ADAMTS12: variants seen among roughly 807,000 people sequenced by gnomAD.
ADAMTS12 encodes the protein ADAM metallopeptidase with thrombospondin type 1 motif 12, also known as A disintegrin and metalloproteinase with thrombospondin motifs 12.
A neutral mutation model predicts 167.8 loss-of-function variants in ADAMTS12; 118 were observed. The ratio of observed to expected loss-of-function variants is 0.70; its 90% CI spans 0.61 to 0.82. ADAMTS12 has a LOEUF of 0.82. Among genes scored for constraint, ADAMTS12 ranks in the 40% least tolerant of loss-of-function variants. The probability of loss-of-function intolerance (pLI) is 0.00; values close to 1 mark genes in which losing one functional copy is unlikely to be tolerated. For missense variants in ADAMTS12, 1,916 were observed against 1,998.8 expected, an observed-to-expected ratio of 0.96 and a Z score of 0.79; for synonymous variants, 704 against 716.9, an observed-to-expected ratio of 0.98 and a Z score of 0.29.
intron 18 of ADAMTS12, among the ~76,000 whole-genome samples, chr5:33,586,372 G>T (rs182881431): frequency 1.1e-4 from 17 of 152,226 alleles, no homozygotes; most frequent in Non-Finnish European, 1.5e-5. Flanking sequence ...CACTTCCAAT[G>T]ACATCTTCTG....
chr5:33,638,963 T>C (rs577318209), intron 11 of ADAMTS12, among the ~76,000 whole-genome samples: 7 of 152,316 alleles, frequency 4.6e-5, no homozygotes, highest in African/African-American at 1.7e-4. Flanking sequence ...TCCATCTTGC[T>C]GCAGTATCTG....
chr5:33,618,892 T>A (rs555126881), intron 14 of ADAMTS12, among the ~76,000 whole-genome samples: 6 of 152,178 alleles, frequency 3.9e-5, no homozygotes, highest in Admixed American at 2.0e-4. Flanking sequence ...TCTTCAACGT[T>A]GTAATCCTTC....
chr5:33,867,589 C>T (rs917825883), intron 2 of ADAMTS12, among the ~76,000 whole-genome samples: 4 of 151,892 alleles, frequency 2.6e-5, no homozygotes, highest in African/African-American at 9.7e-5. Flanking sequence ...CCAAAAACTA[C>T]TTATACCCCA....
intron 5 of ADAMTS12, among the ~76,000 whole-genome samples, chr5:33,676,707 C>CACACACACAGAG (rs879440613): frequency 6.0e-5 from 9 of 149,020 alleles, no homozygotes; most frequent in African/African-American, 1.8e-4. Flanking sequence ...CACACACACA[C>CACACACACAGAG]AGAGAGAGAG....
At chr5:33,630,339 T>A (rs1739861584) in intron 13 of ADAMTS12, among the ~76,000 whole-genome samples, 1 of 152,242 alleles carries the variant, frequency 6.6e-6, no homozygotes, top group South Asian at 2.1e-4. Context: ...ATCAGAAACG[T>A]GTTTTGTAAC....
chr5:33,727,873 T>C (rs1036949766), intron 3 of ADAMTS12, among the ~76,000 whole-genome samples: 1 of 152,230 alleles, frequency 6.6e-6, no homozygotes, highest in Non-Finnish European at 1.5e-5. Flanking sequence ...TAATTATTTA[T>C]CTGTTTCTTT....
chr5:33,704,243 A>C (rs1259694681), intron 3 of ADAMTS12, among the ~76,000 whole-genome samples: 1 of 152,142 alleles, frequency 6.6e-6, no homozygotes, highest in Non-Finnish European at 1.5e-5. Context: ...TTATCCATTC[A>C]TCTATTGATG....
intron 13 of ADAMTS12, among the ~76,000 whole-genome samples, chr5:33,625,574 T>C (rs1258012443): frequency 1.3e-5 from 2 of 152,138 alleles, no homozygotes; most frequent in Non-Finnish European, 2.9e-5. Flanking sequence ...AACAGGGAAA[T>C]AGATATAAAA....
At position 33,539,875 on chromosome 5, in the gene ADAMTS12, C is replaced by T. The variant is rs370221006; in HGVS notation, c.4447-4883G>A. On this transcript the variant is annotated intron_variant, in intron 22 of 23. Coordinates refer to ENST00000504830, the MANE Select transcript of ADAMTS12 (RefSeq NM_030955.4). ...AAGAGCTCTGGTCTGCAGCTCCCAG[C>T]GAGATCGACACAAGATGAGTAATTT... 1.4e-4 allele frequency among the ~76,000 whole-genome samples: 22 copies of T among 152,270 alleles called. 1 individual carries two copies. In the East Asian group the frequency reaches 3.5e-3, roughly 24 times the overall value.
intron 20 of ADAMTS12, among the ~76,000 whole-genome samples, chr5:33,557,969 G>A (rs1436977077): frequency 6.6e-6 from 1 of 151,918 alleles, no homozygotes; most frequent in South Asian, 2.1e-4. Context: ...AGTGCCTGAT[G>A]ATCTGTCACT....
At chr5:33,827,834 A>G (rs6451027) in intron 2 of ADAMTS12, among the ~76,000 whole-genome samples, 148,652 of 152,144 alleles carry the variant, frequency 0.98, 72,711 homozygotes, top group East Asian at 1. Flanking sequence ...GCTATTTATT[A>G]TCTTATAAAA....
chr5:33,765,048 G>A lies in ADAMTS12; in HGVS notation c.490-13500C>T, dbSNP rs1200857444. Among the ~76,000 whole-genome samples, 10 of 152,148 alleles carry A rather than the reference G, an allele frequency of 6.6e-5. No individual in the cohort carries two copies. The South Asian group carries it at 8.3e-4, about 13-fold the overall frequency. On this transcript the variant is annotated intron_variant, in intron 2 of 23. Transcript: ENST00000504830. ...GGTGTTAAATTACAGGGGAAAGGTTGATTTAAAGTATATACGTGAATGATC... is the reference window on the plus strand; with the variant it reads ...GGTGTTAAATTACAGGGGAAAGGTTAATTTAAAGTATATACGTGAATGATC...
At chr5:33,860,077 A>G (rs1749550950) in intron 2 of ADAMTS12, among the ~76,000 whole-genome samples, 1 of 151,678 alleles carries the variant, frequency 6.6e-6, no homozygotes, top group African/African-American at 2.4e-5. Flanking sequence ...AAAAGGCTGA[A>G]AATTCCAAAA....
intron 13 of ADAMTS12, among the ~76,000 whole-genome samples, chr5:33,626,817 T>C (rs1318349340): frequency 2.1e-5 from 3 of 142,508 alleles, no homozygotes; most frequent in Non-Finnish European, 4.6e-5. Context: ...TAGTGGTGAT[T>C]TGACGATGGT....
chr5:33,552,127 T>A (rs942304006), intron 20 of ADAMTS12, among the ~76,000 whole-genome samples: 3 of 152,178 alleles, frequency 2.0e-5, no homozygotes, highest in Admixed American at 6.5e-5. Flanking sequence ...GAATGAAAAA[T>A]ATCCTTAGCT....
chr5:33,801,401 A>T (rs1214168109), intron 2 of ADAMTS12, among the ~76,000 whole-genome samples: 2 of 152,216 alleles, frequency 1.3e-5, no homozygotes, highest in Non-Finnish European at 2.9e-5. Context: ...TAACTGAGTA[A>T]ATCAGCCTTA....
chr5:33,729,790 CTAAA>C (rs1744114742), intron 3 of ADAMTS12, among the ~76,000 whole-genome samples: 1 of 152,106 alleles, frequency 6.6e-6, no homozygotes. Flanking sequence ...AAGTTTCTCT[CTAAA>C]TAAAGGAAGA....
intron 3 of ADAMTS12, among the ~76,000 whole-genome samples, chr5:33,699,832 A>G (rs1742937375): frequency 6.6e-6 from 1 of 152,244 alleles, no homozygotes; most frequent in African/African-American, 2.4e-5. Context: ...AAGGACTAGT[A>G]TCAAGAATAT....
intron 19 of ADAMTS12, among the ~76,000 whole-genome samples, chr5:33,569,575 C>T (rs1386695527): frequency 6.6e-6 from 1 of 151,998 alleles, no homozygotes; most frequent in Non-Finnish European, 1.5e-5. Context: ...GAAAGGACAT[C>T]CACACAAAAA....
Sources: gnomAD v4.1 joint callset for allele counts (sites outside exome capture counted in the v4.1 genomes callset) on GRCh38, gnomAD v4.1.1 for gene constraint, MANE v1.5 for transcripts, NCBI Gene and HGNC (gene_info 2026-07-23, HGNC 2026-07-21) for gene names.